Variants in UTRN observed in about 807,000 individuals in gnomAD.
UTRN encodes the protein dystrophin-related protein 1.
Under a neutral mutation model 463.9 loss-of-function variants are expected in UTRN, and 283 were observed. That is an observed-to-expected ratio of 0.61 (90% confidence interval 0.55 to 0.67). The LOEUF is 0.67. Ranked by LOEUF, UTRN falls within the 30% of genes least tolerant of loss-of-function variation. The probability of loss-of-function intolerance (pLI) is 0.00; values close to 1 mark genes in which losing one functional copy is unlikely to be tolerated. For missense variants in UTRN, 3,922 were observed against 4,084.3 expected (o/e 0.96, Z 1.08); for synonymous variants, 1,442 against 1,431.5 (o/e 1.01, Z -0.17).
At chr6:144,726,437 A>G (rs1047929643) in intron 53 of UTRN, among the ~76,000 whole-genome samples, 4 of 152,108 alleles carry the variant, frequency 2.6e-5, no homozygotes, top group African/African-American at 4.8e-5. Context: ...CACCTCCCCC[A>G]GGAAGCATTA....
chr6:144,475,538 C>T (rs1562457695), intron 25 of UTRN, among the ~76,000 whole-genome samples: 1 of 152,168 alleles, frequency 6.6e-6, no homozygotes. Flanking sequence ...TATGATATTA[C>T]ACAGAAAGCA....
At chr6:144,320,103 C>T (rs1775543196) in intron 2 of UTRN, among the ~76,000 whole-genome samples, 1 of 152,180 alleles carries the variant, frequency 6.6e-6, no homozygotes, top group South Asian at 2.1e-4. Flanking sequence ...CCGCCCGCCT[C>T]CGCCTCCCAA....
chr6:144,444,283 A>C lies in UTRN; in HGVS notation c.1515A>C (p.Lys505Asn), dbSNP rs1473710959. 1 of 1,608,202 alleles carries C rather than the reference A, an allele frequency of 6.2e-7. No homozygotes were observed. The highest frequency in any genetic ancestry group is 1.3e-5 in the African/African-American group (1 of 74,686). Residue 505 changes from lysine (K) to asparagine (N), a missense_variant and splice_region_variant, in exon 14 of 75, where the codon AAA (lysine) becomes AAC (asparagine). Transcript: ENST00000367545. ...ATAILEDQLQ[K>N]LGERWTAVCR... ...AGGATGGTTTCTCCTTTTTCTAGAA[A>C]CTTGGTGAGCGCTGGACAGCAGTAT...
At chr6:144,446,388 G>C (rs9496975) in intron 14 of UTRN, among the ~76,000 whole-genome samples, 17,260 of 152,148 alleles carry the variant, frequency 0.11, 2,345 homozygotes, top group African/African-American at 0.33. Context: ...TAGAGGCAAG[G>C]AATAGTTGTT....
chr6:144,724,976 T>A (rs903597812), intron 53 of UTRN, among the ~76,000 whole-genome samples: 3 of 152,242 alleles, frequency 2.0e-5, no homozygotes, highest in African/African-American at 7.2e-5. Context: ...TGGGTCATGT[T>A]GACAACTCTG....
intron 65 of UTRN, among the ~76,000 whole-genome samples, chr6:144,806,409 T>G (rs539491164): frequency 2.6e-4 from 40 of 152,204 alleles, no homozygotes; most frequent in Non-Finnish European, 5.4e-4. Flanking sequence ...TTTGTAGTGA[T>G]CTTATCAACA....
intron 51 of UTRN, among the ~76,000 whole-genome samples, chr6:144,604,902 C>T (rs749944660): frequency 3.3e-5 from 5 of 151,476 alleles, no homozygotes; most frequent in East Asian, 1.9e-4. Context: ...GTGACAAGAG[C>T]GAAACTCGGT....
intron 2 of UTRN, among the ~76,000 whole-genome samples, chr6:144,300,855 C>T (rs1805180062): frequency 6.6e-6 from 1 of 152,152 alleles, no homozygotes; most frequent in Admixed American, 6.5e-5. Flanking sequence ...TAATAAAATA[C>T]CCCGAAGCAA....
At chr6:144,495,452 C>T (rs994470491) in intron 33 of UTRN, among the ~76,000 whole-genome samples, 3 of 152,340 alleles carry the variant, frequency 2.0e-5, no homozygotes, top group African/African-American at 4.8e-5. Context: ...GTGCGGGGCC[C>T]GCCAAGCCCA....
At chr6:144,346,204 G>A (rs1324764331) in intron 2 of UTRN, among the ~76,000 whole-genome samples, 2 of 151,190 alleles carry the variant, frequency 1.3e-5, no homozygotes, top group East Asian at 1.9e-4. Context: ...AAATAAAAAA[G>A]CAGGCTTTTA....
intron 55 of UTRN, among the ~76,000 whole-genome samples, chr6:144,749,115 C>T (rs150117931): frequency 1.3e-5 from 2 of 151,890 alleles, no homozygotes; most frequent in East Asian, 3.9e-4. Flanking sequence ...AAGGAATTGC[C>T]CAAAGCTATG....
chr6:144,612,249 A>G (rs1404957643), intron 51 of UTRN, among the ~76,000 whole-genome samples: 2 of 152,172 alleles, frequency 1.3e-5, no homozygotes, highest in Admixed American at 1.3e-4. Flanking sequence ...ACTTAAATAT[A>G]AGACCTGAAA....
chr6:144,632,547 T>C (rs939034879), intron 51 of UTRN, among the ~76,000 whole-genome samples: 3 of 152,156 alleles, frequency 2.0e-5, no homozygotes, highest in African/African-American at 7.2e-5. Flanking sequence ...ACAGCAGAGA[T>C]GTACAATTTT....
At chr6:144,802,326 T>C (rs1408367546) in intron 64 of UTRN, among the ~76,000 whole-genome samples, 1 of 152,194 alleles carries the variant, frequency 6.6e-6, no homozygotes, top group East Asian at 1.9e-4. Flanking sequence ...CAGTACTTAG[T>C]AGTTTACAGC....
At chr6:144,515,945 C>T (rs1795575283) in intron 37 of UTRN, among the ~76,000 whole-genome samples, 1 of 152,186 alleles carries the variant, frequency 6.6e-6, no homozygotes, top group Non-Finnish European at 1.5e-5. Context: ...TCCTGCTATG[C>T]TCGCATGTGG....
At chr6:144,713,363 TG>T (rs1785950823) in intron 53 of UTRN, among the ~76,000 whole-genome samples, 2 of 152,084 alleles carry the variant, frequency 1.3e-5, no homozygotes, top group African/African-American at 4.8e-5. Flanking sequence ...CTTAGCACTT[TG>T]GGAGGCTGAT....
chr6:144,554,858 C>G lies in UTRN; in HGVS notation c.7099C>G (p.Arg2367Gly). The change falls in exon 49 of 75, where the codon CGG (arginine) becomes GGG (glycine). Residue 2367 changes from arginine (R) to glycine (G), a missense_variant. Arg to Gly is a moderately radical substitution (Grantham distance 125). This residue lies in a region of UTRN where 1,309 missense variants were observed against 1,452.6 expected (regional missense o/e 0.90). Transcript: ENST00000367545. ...ACTCTATATTCTTCAGCAAGCCCGA[C>G]GGGATCCACTCACCAAACAAATTTC... ...ARLYILQQAR[R>G]DPLTKQISDN... The G allele has an allele frequency of 6.2e-7, 1 of 1,613,960 alleles. No homozygotes were observed. Among genetic ancestry groups the G allele is most frequent in the East Asian group, 2.2e-5 (1 of 44,822 alleles).
chr6:144,359,253 G>A (rs778042656), intron 2 of UTRN, among the ~76,000 whole-genome samples: 2 of 152,216 alleles, frequency 1.3e-5, no homozygotes, highest in South Asian at 2.1e-4. Context: ...ATACCTGGCC[G>A]CTTTTCCCCA....
At chr6:144,586,602 G>C (rs766799068) in intron 51 of UTRN, among the ~76,000 whole-genome samples, 13 of 151,878 alleles carry the variant, frequency 8.6e-5, no homozygotes, top group Non-Finnish European at 1.6e-4. Flanking sequence ...ATTACTTTGG[G>C]GTGTTTTATA....
Sources: gnomAD v4.1 joint callset for allele counts (sites outside exome capture counted in the v4.1 genomes callset) on GRCh38, gnomAD v4.1.1 for gene constraint, gnomAD v4.1.1 regional missense constraint, MANE v1.5 for transcripts, NCBI Gene and HGNC (gene_info 2026-07-23, HGNC 2026-07-21) for gene names.